Variants in COPZ2 observed in about 807,000 individuals in gnomAD.
The protein encoded by COPZ2 is coat protein complex I subunit zeta 2.
COPZ2 carries 30 observed loss-of-function variants against 33.2 expected under a neutral mutation model. That is an observed-to-expected ratio of 0.90 (90% CI 0.68 to 1.23). The LOEUF (loss-of-function observed/expected upper bound fraction) is 1.23, where lower values mean the gene tolerates loss of function less well. COPZ2 is among the 50% of genes most tolerant of loss of function. The pLI, the probability that COPZ2 is intolerant of heterozygous loss-of-function variation, is 0.00. For synonymous variants in COPZ2, 89 were observed against 102.6 expected (o/e 0.87, Z 0.80); for missense variants, 263 against 262.4 (o/e 1.00, Z -0.02).
the COPZ2 span, chr17:48,047,155 T>A: frequency 6.6e-6 from 1 of 152,256 alleles, no homozygotes; most frequent in East Asian, 1.9e-4. Context: ...ACTCGATTAT[T>A]TACTGAGTTA....
chr17:48,026,367 T>G lies in COPZ2; in HGVS notation c.*61A>C. Reference sequence around the variant, plus strand: ...GGGTCTCTCCTGACCCTGGGATCTTTGGGCTTTTGCCAGGATTGGGGAAAT... The same window carrying G: ...GGGTCTCTCCTGACCCTGGGATCTTGGGGCTTTTGCCAGGATTGGGGAAAT... On this transcript the variant is annotated 3_prime_UTR_variant, in exon 9 of 9. Coordinates refer to ENST00000621465, the MANE Select transcript of COPZ2 (RefSeq NM_016429.4). 1 of 1,387,668 alleles carries G rather than the reference T, an allele frequency of 7.2e-7. No individual in the cohort carries two copies. The highest frequency in any genetic ancestry group is 1.2e-5 in the South Asian group (1 of 85,512). 86.0% of individuals were successfully genotyped at this position (1,387,668 alleles called of 1,614,324 possible).
Position 48,037,079 on chromosome 17 carries a change from G to A in COPZ2, c.112-154C>T. 2 of 785,088 alleles carry A rather than the reference G, an allele frequency of 2.5e-6. No homozygotes were observed. Among genetic ancestry groups the A allele is most frequent in the Middle Eastern group, 4.7e-4 (2 of 4,218 alleles). 48.6% of individuals were successfully genotyped at this position (785,088 alleles called of 1,614,324 possible). ...TTCTGCCCAGCCCTGTGCCACATGGGCCAACCCAGGTGCCCACTCCACTCC... is the reference window on the plus strand; with the variant it reads ...TTCTGCCCAGCCCTGTGCCACATGGACCAACCCAGGTGCCCACTCCACTCC... On this transcript the variant is annotated intron_variant, in intron 1 of 8. Coordinates refer to ENST00000621465, the MANE Select transcript of COPZ2 (RefSeq NM_016429.4). The surrounding 1 kb of genome is among the most constrained non-coding windows in gnomAD (Gnocchi z 5.6).
intron 4 of COPZ2, 54 bp from the exon 5 acceptor site, chr17:48,032,795 C>T: frequency 2.1e-6 from 3 of 1,460,004 alleles, no homozygotes; most frequent in Non-Finnish European, 2.8e-6. Flanking sequence ...TTGAGAAGGT[C>T]AAAAGAAGCA....
At chr17:48,032,102 G>A in intron 6 of COPZ2, 54 bp downstream of exon 6, 1 of 1,460,146 alleles carries the variant, frequency 6.8e-7, no homozygotes, top group Non-Finnish European at 9.5e-7. Context: ...ATCTGGGGCT[G>A]ATGATTATCA....
intron 6 of COPZ2, 56 bp downstream of exon 6, chr17:48,032,100 C>T: frequency 3.5e-6 from 5 of 1,436,044 alleles, no homozygotes; most frequent in Non-Finnish European, 4.8e-6. Context: ...CCATCTGGGG[C>T]TGATGATTAT....
At position 48,030,113 on chromosome 17, in the gene COPZ2, G is replaced by A. The variant is rs572643970; in HGVS notation, c.495-937C>T. 5.9e-5 allele frequency among the ~76,000 whole-genome samples: 9 copies of A among 151,750 alleles called. No homozygotes were observed. In the East Asian group the frequency reaches 9.7e-4, roughly 16 times the overall value. On this transcript the variant is annotated intron_variant, in intron 6 of 8. Transcript: ENST00000621465. Reference sequence around the variant, plus strand: ...AGCCTGGCCAATATGGTGAAACCCCGTCTTTACTGAAAATACAAAAAAAAT... The same window carrying A: ...AGCCTGGCCAATATGGTGAAACCCCATCTTTACTGAAAATACAAAAAAAAT...
At chr17:48,030,577 C>G (rs541297826) in intron 6 of COPZ2, among the ~76,000 whole-genome samples, 1 of 152,122 alleles carries the variant, frequency 6.6e-6, no homozygotes, top group Non-Finnish European at 1.5e-5. Flanking sequence ...TTCTTGGGAG[C>G]CTCTTCCAGT....
rs904827353 is a variant in COPZ2, at chr17:48,028,004, A to G, written c.585+468T>C. Among the ~76,000 whole-genome samples, 4 of 152,294 alleles carry G rather than the reference A, an allele frequency of 2.6e-5. No individual in the cohort carries two copies. The highest frequency in any genetic ancestry group is 5.9e-5 in the Non-Finnish European group (4 of 68,026). Reference sequence around the variant, plus strand: ...ACAAGTGATGAGTGGGGAAAGTCAGATCCTATCATGGGTTTGAGAGTCCCT... The same window carrying G: ...ACAAGTGATGAGTGGGGAAAGTCAGGTCCTATCATGGGTTTGAGAGTCCCT... On this transcript the variant is annotated intron_variant, in intron 8 of 8. Transcript: ENST00000621465. This position sits in a 1 kb window ranked among gnomAD's most constrained non-coding sequence, Gnocchi z 4.5.
chr17:48,031,908 G>A, intron 6 of COPZ2: 1 of 555,102 alleles, frequency 1.8e-6, no homozygotes, highest in Non-Finnish European at 3.2e-6. Flanking sequence ...CTATTCAACA[G>A]TCTCCCATAG....
In COPZ2 at chr17:48,028,080, A is replaced by G. The variant is rs1285754233; in HGVS notation, c.585+392T>C. ...TGGCAAGGACAGGGGTTAAGAGCCA[A>G]ACTCCTATTTGGTACCCTTTCCAGG... On this transcript the variant is annotated intron_variant, in intron 8 of 8. Coordinates refer to ENST00000621465, the MANE Select transcript of COPZ2 (RefSeq NM_016429.4). The surrounding 1 kb of genome is among the most constrained non-coding windows in gnomAD (Gnocchi z 4.5). 6.6e-6 allele frequency among the ~76,000 whole-genome samples: 1 copy of G among 152,196 alleles called. No homozygotes were observed. The highest frequency in any genetic ancestry group is 1.9e-4 in the East Asian group (1 of 5,204).
At chr17:48,038,894 T>C (rs1483553364), upstream of COPZ2, among the ~76,000 whole-genome samples, 1 of 152,274 alleles carries the variant, frequency 6.6e-6, no homozygotes, top group Non-Finnish European at 1.5e-5. Context: ...ATATCTGACT[T>C]GATAGGTCTC....
chr17:48,033,717 A>AGG (rs2036934930), intron 3 of COPZ2, 146 bp downstream of exon 3: 21 of 649,916 alleles, frequency 3.2e-5, no homozygotes, highest in South Asian at 1.1e-4. Context: ...GGGAGTGGAG[A>AGG]ACAGCAGGGA....
At chr17:48,029,290 T>C in intron 6 of COPZ2, 114 bp from the exon 7 acceptor site, 1 of 923,244 alleles carries the variant, frequency 1.1e-6, no homozygotes, top group Non-Finnish European at 1.7e-6. Flanking sequence ...CATCTCCACC[T>C]TCCAGGTCCC....
the COPZ2 span, among the ~76,000 whole-genome samples, chr17:48,044,384 G>GT: frequency 1.5e-5 from 2 of 137,430 alleles, no homozygotes; most frequent in South Asian, 4.8e-4. Context: ...CTGTGTTCCC[G>GT]TATTACCACA....
chr17:48,041,984 G>A (rs2037066895), upstream of COPZ2, among the ~76,000 whole-genome samples: 1 of 152,036 alleles, frequency 6.6e-6, no homozygotes, highest in Admixed American at 6.6e-5. Context: ...TAGGGGAGGT[G>A]GGGAAGGAGT....
chr17:48,037,070 G>T lies in COPZ2; in HGVS notation c.112-145C>A. ...CACAGCTGGTTCTGCCCAGCCCTGT[G>T]CCACATGGGCCAACCCAGGTGCCCA... On this transcript the variant is annotated intron_variant, in intron 1 of 8. Coordinates refer to ENST00000621465, the MANE Select transcript of COPZ2 (RefSeq NM_016429.4). The surrounding 1 kb of genome is among the most constrained non-coding windows in gnomAD (Gnocchi z 5.6). The T allele has an allele frequency of 1.2e-6, 1 of 801,166 alleles. No individual in the cohort carries two copies. The highest frequency in any genetic ancestry group is 2.2e-6 in the Non-Finnish European group (1 of 448,454). 49.6% of individuals were successfully genotyped at this position (801,166 alleles called of 1,614,324 possible).
chr17:48,032,027 T>A (rs2036900971), intron 6 of COPZ2, 129 bp downstream of exon 6: 2 of 728,278 alleles, frequency 2.7e-6, no homozygotes, highest in Non-Finnish European at 4.9e-6. Flanking sequence ...GGGAATGGGA[T>A]CCCTGGGAAT....
Position 48,036,934 on chromosome 17 carries a change from G to A in COPZ2, c.112-9C>T, listed in dbSNP as rs1444696268. On this transcript the variant is annotated splice_polypyrimidine_tract_variant and intron_variant, in intron 1 of 8. Transcript: ENST00000621465. Reference sequence around the variant, plus strand: ...AGGGAAGGTTCCTGCAACTGACACCGGAGAGGAGAGTTCCGTTTGGCCCCT... The same window carrying A: ...AGGGAAGGTTCCTGCAACTGACACCAGAGAGGAGAGTTCCGTTTGGCCCCT... The A allele has an allele frequency of 3.7e-6, 6 of 1,612,616 alleles. No individual in the cohort carries two copies. Among genetic ancestry groups the A allele is most frequent in the East Asian group, 4.5e-5 (2 of 44,880 alleles).
chr17:48,029,988 T>A (rs916668811), intron 6 of COPZ2, among the ~76,000 whole-genome samples: 14 of 147,970 alleles, frequency 9.5e-5, no homozygotes, highest in Admixed American at 2.7e-4. Flanking sequence ...ATTTTTTTTT[T>A]AAATCTTCCC....
Sources: gnomAD v4.1 joint callset for allele counts (sites outside exome capture counted in the v4.1 genomes callset) on GRCh38, gnomAD v4.1.1 for gene constraint, Gnocchi (gnomAD v3.1) non-coding constraint, MANE v1.5 for transcripts, NCBI Gene and HGNC (gene_info 2026-07-23, HGNC 2026-07-21) for gene names.